The following ARHGEF4 variants were observed in gnomAD, a reference collection of about 807,000 sequenced individuals.
The protein encoded by ARHGEF4 is Rho guanine nucleotide exchange factor 4.
In ARHGEF4, 119 loss-of-function variants were observed where a neutral mutation model predicts 162.0. That is an observed-to-expected ratio of 0.73 (90% CI 0.63 to 0.86). ARHGEF4 has a LOEUF of 0.86. Among genes scored for constraint, ARHGEF4 ranks in the 40% least tolerant of loss-of-function variants. The pLI is 0.00. For synonymous variants in ARHGEF4, 1,014 were observed against 979.9 expected (o/e 1.03, Z -0.65); for missense variants, 2,488 against 2,456.0 (o/e 1.01, Z -0.28).
intron 4 of ARHGEF4, among the ~76,000 whole-genome samples, chr2:130,982,723 CA>C (rs1480563574): frequency 1.3e-5 from 2 of 152,048 alleles, no homozygotes; most frequent in African/African-American, 4.8e-5. Flanking sequence ...ACCAAAAATA[CA>C]TCTTCATATA....
At chr2:130,840,545 A>G (rs947923910) in intron 1 of ARHGEF4, among the ~76,000 whole-genome samples, 1 of 152,128 alleles carries the variant, frequency 6.6e-6, no homozygotes, top group Admixed American at 6.5e-5. Flanking sequence ...AGTCTTTCCC[A>G]CCACAGAAGC....
At chr2:130,844,410 A>G (rs2248310) in intron 1 of ARHGEF4, among the ~76,000 whole-genome samples, 16,927 of 152,258 alleles carry the variant, frequency 0.11, 1,403 homozygotes, top group African/African-American at 0.21. Context: ...CCTGTTGGCC[A>G]GATGCAAACC....
chr2:130,922,205 A>G (rs573028952), intron 2 of ARHGEF4, among the ~76,000 whole-genome samples: 3 of 151,980 alleles, frequency 2.0e-5, no homozygotes, highest in South Asian at 4.2e-4. Flanking sequence ...CCCTGTCTCT[A>G]CTAAAAACCA....
chr2:130,919,635 G>A (rs942954742), intron 2 of ARHGEF4, among the ~76,000 whole-genome samples: 1 of 152,170 alleles, frequency 6.6e-6, no homozygotes. Flanking sequence ...CAGCACTTTG[G>A]GAGGCCGAAG....
intron 3 of ARHGEF4, among the ~76,000 whole-genome samples, chr2:130,938,223 G>A (rs1416943584): frequency 6.6e-6 from 1 of 152,134 alleles, no homozygotes; most frequent in Non-Finnish European, 1.5e-5. Context: ...ATAGTTGTCT[G>A]TTTAGTTTGA....
chr2:130,842,890 A>C (rs1312743429), intron 1 of ARHGEF4, among the ~76,000 whole-genome samples: 1 of 152,128 alleles, frequency 6.6e-6, no homozygotes, highest in African/African-American at 2.4e-5. Context: ...GGGGTAGCTC[A>C]TTGGCCCAGC....
intron 4 of ARHGEF4, among the ~76,000 whole-genome samples, chr2:130,992,417 C>T (rs903130427): frequency 6.6e-6 from 1 of 152,202 alleles, no homozygotes; most frequent in African/African-American, 2.4e-5. Context: ...TAGCTTCACT[C>T]CTGAAGCCAG....
intron 12 of ARHGEF4, 134 bp from the exon 13 acceptor site, chr2:131,045,235 C>A: frequency 1.2e-6 from 1 of 836,186 alleles, no homozygotes; most frequent in African/African-American, 1.7e-5. Flanking sequence ...GAATGGGCAA[C>A]AGTCCCCGCT....
intron 13 of ARHGEF4, chr2:131,045,700 C>G: frequency 6.9e-7 from 1 of 1,452,012 alleles, no homozygotes; most frequent in Non-Finnish European, 9.1e-7. Flanking sequence ...ATGCTTGTTT[C>G]CCCAGGGTTC....
intron 4 of ARHGEF4, among the ~76,000 whole-genome samples, chr2:131,024,619 T>A (rs771898656): frequency 1.3e-5 from 2 of 152,222 alleles, no homozygotes; most frequent in Non-Finnish European, 2.9e-5. Flanking sequence ...TATGGCAATT[T>A]GACAACTTTT....
At chr2:130,970,443 G>T (rs1342124491) in intron 4 of ARHGEF4, among the ~76,000 whole-genome samples, 1 of 152,064 alleles carries the variant, frequency 6.6e-6, no homozygotes, top group Admixed American at 6.6e-5. Context: ...ACAAAAATTA[G>T]CCGGGCATGG....
In ARHGEF4 at chr2:131,001,901, G is replaced by A. The variant is rs1047827267; in HGVS notation, c.3986-26044G>A. On this transcript the variant is annotated intron_variant, in intron 4 of 13. Transcript: ENST00000409359. ...AAGCACAGAGATTTGCCTCTGGAGA[G>A]GAAGCTAGGGAGGTAACATGAGGGG... Among the ~76,000 whole-genome samples the A allele has an allele frequency of 2.6e-5, 4 of 152,300 alleles. No homozygotes were observed. The South Asian group carries it at 8.3e-4, about 32-fold the overall frequency.
At chr2:131,011,965 G>T in intron 4 of ARHGEF4, 1 of 697,116 alleles carries the variant, frequency 1.4e-6, no homozygotes, top group Non-Finnish European at 2.6e-6. Flanking sequence ...TAAAGGTAGG[G>T]CTAGCTGATG....
chr2:130,899,685 G>T (rs1157794669), intron 1 of ARHGEF4, among the ~76,000 whole-genome samples: 2 of 152,182 alleles, frequency 1.3e-5, no homozygotes, highest in Non-Finnish European at 2.9e-5. Flanking sequence ...GCTAGAGGAG[G>T]CTGGCACACT....
At chr2:130,840,510 G>A (rs1008148812) in intron 1 of ARHGEF4, among the ~76,000 whole-genome samples, 1 of 152,204 alleles carries the variant, frequency 6.6e-6, no homozygotes, top group African/African-American at 2.4e-5. Context: ...TTTTGGAGGG[G>A]AGGGAGTTGT....
chr2:130,932,858 C>G (rs568466618), intron 3 of ARHGEF4, among the ~76,000 whole-genome samples: 4 of 151,918 alleles, frequency 2.6e-5, no homozygotes, highest in Non-Finnish European at 5.9e-5. Context: ...ATGTAGTTAC[C>G]CAAACACCAT....
At chr2:130,921,417 C>G (rs978567220) in intron 2 of ARHGEF4, among the ~76,000 whole-genome samples, 2 of 152,150 alleles carry the variant, frequency 1.3e-5, no homozygotes, top group African/African-American at 4.8e-5. Context: ...GGTCAGGGGC[C>G]TACTGCACGT....
At chr2:130,952,987 A>G (rs1230722506) in intron 4 of ARHGEF4, among the ~76,000 whole-genome samples, 1 of 152,208 alleles carries the variant, frequency 6.6e-6, no homozygotes, top group Non-Finnish European at 1.5e-5. Context: ...TGCCCAAGAT[A>G]ATTTATAGAT....
chr2:130,943,478 C>A (rs1439078073), intron 3 of ARHGEF4, among the ~76,000 whole-genome samples: 1 of 151,914 alleles, frequency 6.6e-6, no homozygotes, highest in Non-Finnish European at 1.5e-5. Context: ...TTAGGTTTAC[C>A]ATGTTATCAT....
Sources: gnomAD v4.1 joint callset for allele counts (sites outside exome capture counted in the v4.1 genomes callset) on GRCh38, gnomAD v4.1.1 for gene constraint, MANE v1.5 for transcripts, NCBI Gene and HGNC (gene_info 2026-07-23, HGNC 2026-07-21) for gene names.